ABI1: variants seen among roughly 807,000 people sequenced by gnomAD.
The protein encoded by ABI1 is Abelson interactor 1.
A neutral mutation model predicts 54.6 loss-of-function variants in ABI1; 14 were observed. That is an observed-to-expected ratio of 0.26 (90% confidence interval 0.17 to 0.40). The LOEUF (loss-of-function observed/expected upper bound fraction) is 0.40. Among genes scored for constraint, ABI1 ranks in the 10% least tolerant of loss-of-function variants. The pLI, the probability that ABI1 is intolerant of heterozygous loss-of-function variation, is 1.00. For missense variants in ABI1, 443 were observed against 598.3 expected (o/e 0.74, Z 2.71); for synonymous variants, 194 against 209.3 (o/e 0.93, Z 0.63).
At chr10:26,851,700 A>G (rs1361375146) in intron 1 of ABI1, among the ~76,000 whole-genome samples, 1 of 151,410 alleles carries the variant, frequency 6.6e-6, no homozygotes, top group African/African-American at 2.5e-5. Context: ...CACAGTTAGG[A>G]CTTTAGCTAG....
chr10:26,851,788 G>A (rs536114495), intron 1 of ABI1, among the ~76,000 whole-genome samples: 5 of 152,062 alleles, frequency 3.3e-5, no homozygotes, highest in Non-Finnish European at 4.4e-5. Flanking sequence ...AGATGCAGTG[G>A]TAAGAAATTA....
intron 1 of ABI1, among the ~76,000 whole-genome samples, chr10:26,842,749 A>C (rs1458032916): frequency 6.6e-6 from 1 of 152,202 alleles, no homozygotes; most frequent in African/African-American, 2.4e-5. Context: ...CTACATAATA[A>C]ATTAGAGCCA....
At chr10:26,823,384 A>G (rs1348900076) in intron 1 of ABI1, 79 bp from the exon 2 acceptor site, 1 of 1,110,548 alleles carries the variant, frequency 9.0e-7, no homozygotes, top group Non-Finnish European at 1.2e-6. Flanking sequence ...AGGCAAAGTT[A>G]TATTATTTTA....
At position 26,770,308 on chromosome 10, in the gene ABI1, G is replaced by A. The variant is rs571967237; in HGVS notation, c.515C>T (p.Ser172Leu). Residue 172 changes from serine to leucine, a missense_variant, in exon 5 of 11, where the codon TCG becomes TTG. Transcript: ENST00000376140. Reference protein sequence around the residue: ...NNQPARTGTLSRTNPPTQKPP... With the variant: ...NNQPARTGTLLRTNPPTQKPP... ...TTTCTGAGTAGGAGGATTTGTTCTC[G>A]ACAGTGTGCCAGTTCTTGCAGGCTG... is the stretch of plus-strand genomic sequence containing the variant. 7.4e-6 allele frequency: 12 copies of A among 1,614,004 alleles called. No homozygotes were observed. Among genetic ancestry groups the A allele is most frequent in the South Asian group, 1.1e-5 (1 of 91,080 alleles).
chr10:26,774,916 A>T (rs1841193358), intron 3 of ABI1, among the ~76,000 whole-genome samples: 1 of 152,070 alleles, frequency 6.6e-6, no homozygotes, highest in South Asian at 2.1e-4. Flanking sequence ...AATATTTGCC[A>T]ATATATGAGG....
chr10:26,767,248 C>T (rs1012490208), intron 6 of ABI1, among the ~76,000 whole-genome samples: 1 of 152,166 alleles, frequency 6.6e-6, no homozygotes, highest in African/African-American at 2.4e-5. Context: ...TGACCTGATA[C>T]AGTAACTGCA....
intron 1 of ABI1, among the ~76,000 whole-genome samples, chr10:26,825,151 T>C (rs1373785111): frequency 2.0e-5 from 3 of 152,204 alleles, no homozygotes; most frequent in Non-Finnish European, 2.9e-5. Flanking sequence ...GCTGCATCTA[T>C]TGACTTTTGT....
rs1369071042 is a variant in ABI1, at chr10:26,768,986, A to G, written c.585T>C (p.Asn195=). Residue 195 remains asparagine, a synonymous_variant, in exon 6 of 11, where the codon AAT becomes AAC. Transcript: ENST00000376140. ...CAGGTTCCAGGGTTTTATAAGGAGT[A>G]TTCCGTCTAAAGGAGCATAGTGGAG... ...PMSGRGTLGR[N]TPYKTLEPVK... is the part of the protein sequence containing the mutation. The G allele has an allele frequency of 2.5e-6, 4 of 1,608,686 alleles. No individual in the cohort carries two copies. The Admixed American group carries it at 6.8e-5, about 27-fold the overall frequency.
chr10:26,760,479 T>A (rs1262263565), intron 7 of ABI1, among the ~76,000 whole-genome samples: 1 of 152,214 alleles, frequency 6.6e-6, no homozygotes, highest in East Asian at 1.9e-4. Flanking sequence ...CACCAATTAT[T>A]TGAATCATCC....
At chr10:26,805,417 A>AT (rs1429737681) in intron 2 of ABI1, among the ~76,000 whole-genome samples, 2 of 148,450 alleles carry the variant, frequency 1.3e-5, no homozygotes, top group Non-Finnish European at 3.0e-5. Flanking sequence ...GTCACTTTTT[A>AT]TTTAAAAAAA....
chr10:26,823,071 A>G, intron 2 of ABI1, 67 bp downstream of exon 2: 1 of 1,358,936 alleles, frequency 7.4e-7, no homozygotes, highest in Non-Finnish European at 1.0e-6. Flanking sequence ...CATGCAGGCT[A>G]TTTACTTCTT....
At chr10:26,767,986 C>T (rs1404328646) in intron 6 of ABI1, among the ~76,000 whole-genome samples, 3 of 151,750 alleles carry the variant, frequency 2.0e-5, no homozygotes, top group Non-Finnish European at 2.9e-5. Flanking sequence ...GTAGAAGTTG[C>T]AGTGAGCCGA....
At position 26,843,470 on chromosome 10, in the gene ABI1, AAAAAAAAAAAAAAAAATATATATATATAT is replaced by A. The variant is rs1347963287; in HGVS notation, c.117+17248_117+17276del. On this transcript the variant is annotated intron_variant, in intron 1 of 10. Coordinates refer to ENST00000376140, the MANE Select transcript of ABI1 (RefSeq NM_001012750.3). The stretch of plus-strand genomic sequence containing the variant: ...CTCCGTCTCAAAAAAAAAAAAAAAA[AAAAAAAAAAAAAAAAATATATATATATAT>A]ATATATATATATATATGTAGAAGCA... Among the ~76,000 whole-genome samples the A allele has an allele frequency of 4.2e-3, 310 of 72,980 alleles. 4 individuals are homozygous for A. Among genetic ancestry groups the A allele is most frequent in the African/African-American group, 0.017 (299 of 17,522 alleles). 47.9% of individuals were successfully genotyped at this position (72,980 alleles called of 152,430 possible).
intron 8 of ABI1, among the ~76,000 whole-genome samples, chr10:26,757,044 ACT>A (rs949498186): frequency 1.6e-4 from 24 of 152,160 alleles, no homozygotes; most frequent in African/African-American, 5.8e-4. Flanking sequence ...AAAACAAAAA[ACT>A]CTCACAAACC....
chr10:26,798,990 G>T (rs978647105), intron 2 of ABI1, among the ~76,000 whole-genome samples: 3 of 151,998 alleles, frequency 2.0e-5, no homozygotes, highest in Non-Finnish European at 4.4e-5. Context: ...GGAGAAAAAA[G>T]AGACAGAACA....
rs948511964 is a variant in ABI1, at chr10:26,857,862, A to AAG, written c.117+2884_117+2885insCT. ...CAAGTCTGTCTCAAAAAAAAAAAAA[A>AAG]AAAGAAAGAAAAAAACTGTCCTTTT... On this transcript the variant is annotated intron_variant, in intron 1 of 10. Coordinates refer to ENST00000376140, the MANE Select transcript of ABI1 (RefSeq NM_001012750.3). Among the ~76,000 whole-genome samples the AAG allele has an allele frequency of 8.8e-5, 13 of 148,266 alleles. 1 individual carries two copies. Among genetic ancestry groups the AAG allele is most frequent in the African/African-American group, 2.0e-4 (8 of 39,974 alleles).
At chr10:26,846,005 A>C (rs2049945939) in intron 1 of ABI1, among the ~76,000 whole-genome samples, 1 of 151,988 alleles carries the variant, frequency 6.6e-6, no homozygotes, top group African/African-American at 2.4e-5. Flanking sequence ...GTAGCCAGGC[A>C]CGGTGGTGGG....
chr10:26,797,399 G>C (rs548516543), intron 2 of ABI1, among the ~76,000 whole-genome samples: 1 of 152,164 alleles, frequency 6.6e-6, no homozygotes, highest in Non-Finnish European at 1.5e-5. Context: ...GCACGACTAG[G>C]GATAGGAAGG....
chr10:26,835,441 G>A (rs2048999473), intron 1 of ABI1, among the ~76,000 whole-genome samples: 1 of 151,954 alleles, frequency 6.6e-6, no homozygotes, highest in Non-Finnish European at 1.5e-5. Context: ...AGGGTGTGGT[G>A]GTGCACACCT....
Sources: gnomAD v4.1 joint callset for allele counts (sites outside exome capture counted in the v4.1 genomes callset) on GRCh38, gnomAD v4.1.1 for gene constraint, MANE v1.5 for transcripts, NCBI Gene and HGNC (gene_info 2026-07-23, HGNC 2026-07-21) for gene names.